Variants in CAPRIN1 observed in about 807,000 individuals in gnomAD.
CAPRIN1 encodes cell cycle associated protein 1.
A neutral mutation model predicts 100.9 loss-of-function variants in CAPRIN1; 29 were observed. The ratio of observed to expected loss-of-function variants is 0.29; its 90% confidence interval spans 0.21 to 0.39. CAPRIN1 has a LOEUF of 0.39. CAPRIN1 is among the 10% of genes least tolerant of loss of function. The pLI, the probability that CAPRIN1 is intolerant of heterozygous loss-of-function variation, is 1.00. For synonymous variants in CAPRIN1, 338 were observed against 307.5 expected (o/e 1.10, Z -1.04); for missense variants, 795 against 876.7 (o/e 0.91, Z 1.18).
In CAPRIN1 at chr11:34,099,642, A is replaced by G. The variant is rs145563168; in HGVS notation, c.*275A>G. 3,240 of 419,788 alleles carry G rather than the reference A, an allele frequency of 7.7e-3. 65 individuals carry two copies. Among genetic ancestry groups the G allele is most frequent in the African/African-American group, 0.059 (2,932 of 49,958 alleles). 26.0% of individuals were successfully genotyped at this position (419,788 alleles called of 1,614,324 possible). On this transcript the variant is annotated 3_prime_UTR_variant, in exon 19 of 19. Transcript: ENST00000341394. The stretch of plus-strand genomic sequence containing the variant: ...CTCACCCTTGCTTAGGAGTAAAACA[A>G]TATACTTTACAGGGTGATAATAATC...
Position 34,090,691 on chromosome 11 carries a change from A to G in CAPRIN1, c.1554+13A>G. ...ATCCATGCAAACGGTAAGCAAATTA[A>G]CTAACATTAATTGCCTAGTATGTAA... On this transcript the variant is annotated intron_variant, in intron 14 of 18. Coordinates refer to ENST00000341394, the MANE Select transcript of CAPRIN1 (RefSeq NM_005898.5). The G allele has an allele frequency of 6.2e-7, 1 of 1,608,922 alleles. No individual in the cohort carries two copies. The highest frequency in any genetic ancestry group is 8.5e-7 in the Non-Finnish European group (1 of 1,175,834).
At chr11:34,075,023 CT>C (rs1203623518) in intron 4 of CAPRIN1, among the ~76,000 whole-genome samples, 1 of 151,948 alleles carries the variant, frequency 6.6e-6, no homozygotes, top group Non-Finnish European at 1.5e-5. Flanking sequence ...CCTCAAAAAA[CT>C]TTTTTTAAAT....
intron 7 of CAPRIN1, among the ~76,000 whole-genome samples, chr11:34,081,346 G>A (rs1394075672): frequency 2.0e-5 from 3 of 151,474 alleles, no homozygotes; most frequent in Non-Finnish European, 4.4e-5. Context: ...GACTACAGGC[G>A]CATCACCACA....
chr11:34,079,553 A>T, intron 6 of CAPRIN1, 75 bp from the exon 7 acceptor site: 1 of 1,206,100 alleles, frequency 8.3e-7, no homozygotes, highest in Non-Finnish European at 1.2e-6. Flanking sequence ...ACAATATTTT[A>T]TAGAATGTTG....
At chr11:34,079,939 T>G in intron 7 of CAPRIN1, among the ~76,000 whole-genome samples, 174 bp downstream of exon 7, 1 of 60,460 alleles carries the variant, frequency 1.7e-5, no homozygotes, top group Non-Finnish European at 3.6e-5. Context: ...TTTTTTTTTT[T>G]TGGAGACAGA....
chr11:34,060,625 T>A (rs1459554848), intron 2 of CAPRIN1, among the ~76,000 whole-genome samples: 1 of 152,230 alleles, frequency 6.6e-6, no homozygotes, highest in Non-Finnish European at 1.5e-5. Context: ...ACAGGAAAGA[T>A]AGTAAGCAAA....
chr11:34,081,277 T>C (rs570829220), intron 7 of CAPRIN1, among the ~76,000 whole-genome samples: 1 of 151,942 alleles, frequency 6.6e-6, no homozygotes, highest in East Asian at 1.9e-4. Context: ...CCTGACTCAC[T>C]GCAACCTCTG....
chr11:34,052,359 C>A, intron 1 of CAPRIN1, 62 bp from the exon 2 acceptor site: 2 of 1,372,112 alleles, frequency 1.5e-6, no homozygotes, highest in Non-Finnish European at 2.0e-6. Flanking sequence ...CCCCGTCCGT[C>A]TCCTGACTGG....
intron 13 of CAPRIN1, 84 bp downstream of exon 13, chr11:34,090,373 ATTC>A (rs1161289651): frequency 4.1e-5 from 51 of 1,240,800 alleles, no homozygotes; most frequent in Non-Finnish European, 5.5e-5. Flanking sequence ...TAATATAATG[ATTC>A]TTCTTTTTGG....
intron 15 of CAPRIN1, among the ~76,000 whole-genome samples, chr11:34,092,683 A>G (rs1851285823): frequency 6.6e-6 from 1 of 152,130 alleles, no homozygotes; most frequent in African/African-American, 2.4e-5. Context: ...TTAATTGTTA[A>G]TTGATTGAAG....
intron 10 of CAPRIN1, 24 bp from the exon 11 acceptor site, chr11:34,086,281 A>C: frequency 6.2e-7 from 1 of 1,609,594 alleles, no homozygotes; most frequent in Non-Finnish European, 8.5e-7. Flanking sequence ...ATTTGACTTT[A>C]TTCTATCCTA....
At position 34,076,578 on chromosome 11, in the gene CAPRIN1, A is replaced by T; in HGVS notation, c.624A>T (p.Glu208Asp). 2.5e-6 allele frequency: 4 copies of T among 1,613,926 alleles called. No homozygotes were observed. The highest frequency in any genetic ancestry group is 2.5e-6 in the Non-Finnish European group (3 of 1,179,774). Residue 208 changes from glutamate (E) to aspartate (D), a missense_variant, in exon 6 of 19, where the codon GAA (glutamate) becomes GAT (aspartate). Physicochemically the swap from Glu to Asp is conservative, Grantham distance 45. Transcript: ENST00000341394. Reference sequence around the variant, plus strand: ...TTAAAAGGTTGAATGAACAGTATGAACATGCCTCCATTCACCTGTGGGACC... The same window carrying T: ...TTAAAAGGTTGAATGAACAGTATGATCATGCCTCCATTCACCTGTGGGACC... ...DMSLRLNEQY[E>D]HASIHLWDLL... is the part of the protein sequence containing the mutation.
At chr11:34,072,358 G>A (rs1485518321) in intron 4 of CAPRIN1, among the ~76,000 whole-genome samples, 3 of 150,758 alleles carry the variant, frequency 2.0e-5, no homozygotes, top group Non-Finnish European at 4.4e-5. Context: ...TTTTTTAAAA[G>A]GACCAAGTTT....
chr11:34,080,170 G>A (rs1222359378), intron 7 of CAPRIN1, among the ~76,000 whole-genome samples: 3 of 152,008 alleles, frequency 2.0e-5, no homozygotes, highest in African/African-American at 4.8e-5. Flanking sequence ...TGATCCACCC[G>A]CCTCGGCCTC....
chr11:34,068,859 T>C (rs1850752338), intron 2 of CAPRIN1, among the ~76,000 whole-genome samples: 1 of 152,172 alleles, frequency 6.6e-6, no homozygotes, highest in South Asian at 2.1e-4. Flanking sequence ...TCTACCTCCA[T>C]TTTGGTTAGA....
At chr11:34,090,129 A>C (rs1394189969) in intron 12 of CAPRIN1, 50 bp from the exon 13 acceptor site, 1 of 1,194,246 alleles carries the variant, frequency 8.4e-7, no homozygotes, top group African/African-American at 1.5e-5. Flanking sequence ...TTTTTTTAAC[A>C]GTCAATTTTG....
rs773628331 is a variant in CAPRIN1, at chr11:34,096,655, C to G, written c.1882C>G (p.Pro628Ala). The part of the protein sequence containing the change: ...ARGLMNGYRG[P>A]ANGFRGGYDG... ...AGGCTTGATGAATGGATACCGGGGC[C>G]CTGCCAATGGATTCAGAGGTAAAAA... Residue 628 changes from proline (P) to alanine (A), a missense_variant, in exon 16 of 19, where the codon CCT becomes GCT. Pro to Ala is a conservative substitution (Grantham distance 27). This residue lies in a region of CAPRIN1 where 648 missense variants were observed against 697.9 expected (regional missense o/e 0.93). Coordinates refer to ENST00000341394, the MANE Select transcript of CAPRIN1 (RefSeq NM_005898.5). 6.2e-7 allele frequency: 1 copy of G among 1,600,632 alleles called. No individual in the cohort carries two copies. The highest frequency in any genetic ancestry group is 1.1e-5 in the South Asian group (1 of 90,360).
At chr11:34,052,134 C>G (rs1168469670) in intron 1 of CAPRIN1, 1 of 150,476 alleles carries the variant, frequency 6.6e-6, no homozygotes, top group African/African-American at 2.4e-5. Flanking sequence ...TGCCCCGCCT[C>G]CGGCGCGAGC....
intron 15 of CAPRIN1, chr11:34,096,243 C>G: frequency 2.5e-6 from 1 of 406,152 alleles, no homozygotes; most frequent in South Asian, 3.9e-5. Context: ...ATCATGCACC[C>G]TGCTTTCAAA....
Sources: allele counts gnomAD v4.1 joint callset (sites outside exome capture counted in the v4.1 genomes callset), GRCh38; gene constraint gnomAD v4.1.1; regional missense constraint gnomAD v4.1.1; transcripts MANE v1.5; gene names NCBI Gene and HGNC (gene_info 2026-07-23, HGNC 2026-07-21).